Variants in ITSN1 observed in about 807,000 individuals in gnomAD.
The protein encoded by ITSN1 is intersectin 1, also known as intersectin-1.
ITSN1 carries 58 observed loss-of-function variants against 239.8 expected under a neutral mutation model. The ratio of observed to expected loss-of-function variants is 0.24; its 90% confidence interval spans 0.20 to 0.30. The LOEUF (loss-of-function observed/expected upper bound fraction) is 0.30, where lower values mean the gene tolerates loss of function less well. Among genes scored for constraint, ITSN1 ranks in the 10% least tolerant of loss-of-function variants. The pLI, the probability that ITSN1 is intolerant of heterozygous loss-of-function variation, is 1.00. For missense variants in ITSN1, 1,558 were observed against 2,103.3 expected (o/e 0.74, Z 5.07); for synonymous variants, 780 against 770.8 (o/e 1.01, Z -0.20).
chr21:33,726,007 GT>G (rs1435190385), intron 4 of ITSN1, among the ~76,000 whole-genome samples: 1 of 152,084 alleles, frequency 6.6e-6, no homozygotes, highest in East Asian at 1.9e-4. Context: ...TTGTGTTTAT[GT>G]TTTGAGACGG....
intron 6 of ITSN1, among the ~76,000 whole-genome samples, chr21:33,751,330 C>G (rs2067539301): frequency 6.6e-6 from 1 of 152,082 alleles, no homozygotes; most frequent in African/African-American, 2.4e-5. Context: ...TGTTTTTTTT[C>G]TGACACTCAA....
At position 33,649,208 on chromosome 21, in the gene ITSN1, G is replaced by A. The variant is rs77065922; in HGVS notation, c.-33+6495G>A. On this transcript the variant is annotated intron_variant, in intron 1 of 39. Transcript: ENST00000381318. ...CTAAGGAAGTTTACTTCCTGAATGTGAATGTTGGCCACTTTGGAGATAGAA... is the reference window on the plus strand; with the variant it reads ...CTAAGGAAGTTTACTTCCTGAATGTAAATGTTGGCCACTTTGGAGATAGAA... Among the ~76,000 whole-genome samples, 518 of 152,280 alleles carry A rather than the reference G, an allele frequency of 3.4e-3. 4 individuals carry two copies. The highest frequency in any genetic ancestry group is 0.012 in the African/African-American group (489 of 41,544).
Position 33,888,260 on chromosome 21 carries a change from T to C in ITSN1, c.5126T>C (p.Ile1709Thr), listed in dbSNP as rs1393876470. ...LLLHEVPTGE[I>T]VVRLDLQLFD... ...CTGCACGAAGTCCCCACGGGAGAGA[T>C]TGTGGTCCGCTTGGACCTGCAGTTG... Residue 1709 changes from isoleucine (I) to threonine (T), a missense_variant, in exon 40 of 40, where the codon ATT becomes ACT. By Grantham distance (89) the Ile-to-Thr change is moderately conservative. Coordinates refer to ENST00000381318, the MANE Select transcript of ITSN1 (RefSeq NM_003024.3). 3.7e-6 allele frequency: 6 copies of C among 1,614,060 alleles called. No individual in the cohort carries two copies. Among genetic ancestry groups the C allele is most frequent in the Non-Finnish European group, 3.4e-6 (4 of 1,179,992 alleles).
At chr21:33,753,254 C>CT (rs1325073278) in intron 7 of ITSN1, among the ~76,000 whole-genome samples, 2 of 152,240 alleles carry the variant, frequency 1.3e-5, no homozygotes, top group African/African-American at 4.8e-5. Flanking sequence ...CGGTTTTACC[C>CT]TTAAGATGCC....
At chr21:33,808,323 G>A (rs1373951010) in intron 20 of ITSN1, among the ~76,000 whole-genome samples, 1 of 152,114 alleles carries the variant, frequency 6.6e-6, no homozygotes, top group Non-Finnish European at 1.5e-5. Flanking sequence ...GGTGGCTCAC[G>A]CCTGTAATCC....
rs1014225373 is a variant in ITSN1, at chr21:33,865,600, T to G, written c.4074+266T>G. On this transcript the variant is annotated intron_variant, in intron 32 of 39. Transcript: ENST00000381318. This position sits in a 1 kb window ranked among gnomAD's most constrained non-coding sequence, Gnocchi z 4.4. ...ATCTGTTTTCCAGATGCTATTGGTG[T>G]TATTTGGATGCATGTTTAAATCTTT... Among the ~76,000 whole-genome samples the G allele has an allele frequency of 6.6e-6, 1 of 152,204 alleles. No individual in the cohort carries two copies. The highest frequency in any genetic ancestry group is 1.5e-5 in the Non-Finnish European group (1 of 68,042).
At chr21:33,799,732 T>A in intron 18 of ITSN1, 76 bp from the exon 19 acceptor site, 2 of 1,504,408 alleles carry the variant, frequency 1.3e-6, no homozygotes, top group Non-Finnish European at 1.8e-6. Context: ...AGAGGTTAGT[T>A]GTTTGGCTTG....
At chr21:33,729,525 T>C (rs2066038868) in intron 4 of ITSN1, among the ~76,000 whole-genome samples, 1 of 151,772 alleles carries the variant, frequency 6.6e-6, no homozygotes, top group Non-Finnish European at 1.5e-5. Context: ...ACAAGAGGTC[T>C]CAATCATTTT....
At chr21:33,851,778 C>CTT (rs35567402) in intron 29 of ITSN1, among the ~76,000 whole-genome samples, 1,755 of 66,194 alleles carry the variant, frequency 0.027, 260 homozygotes, top group African/African-American at 0.068. Context: ...CTTTTCTTTC[C>CTT]TTTTTTTTTT....
At chr21:33,854,512 G>C (rs1411615833) in intron 29 of ITSN1, among the ~76,000 whole-genome samples, 1 of 152,228 alleles carries the variant, frequency 6.6e-6, no homozygotes, top group East Asian at 1.9e-4. Flanking sequence ...GCAGGAACAA[G>C]ATATGTTTCC....
intron 1 of ITSN1, among the ~76,000 whole-genome samples, chr21:33,690,941 C>T (rs2091518844): frequency 6.7e-6 from 1 of 149,322 alleles, no homozygotes; most frequent in Non-Finnish European, 1.5e-5. Flanking sequence ...TCCACTCTCA[C>T]ATCCTTGCCT....
intron 12 of ITSN1, among the ~76,000 whole-genome samples, chr21:33,772,693 C>T (rs1310738778): frequency 1.3e-5 from 2 of 152,060 alleles, no homozygotes; most frequent in African/African-American, 4.8e-5. Flanking sequence ...TGAATCAGTC[C>T]TTTATTCCTG....
intron 27 of ITSN1, among the ~76,000 whole-genome samples, chr21:33,830,189 G>A (rs1227351846): frequency 6.6e-6 from 1 of 152,216 alleles, no homozygotes; most frequent in East Asian, 1.9e-4. Flanking sequence ...TGTGTGTATT[G>A]TTAATCATAT....
chr21:33,858,887 C>A, intron 31 of ITSN1, 95 bp downstream of exon 31: 1 of 634,298 alleles, frequency 1.6e-6, no homozygotes, highest in Non-Finnish European at 2.8e-6. Context: ...TGCATGCTGC[C>A]CTGTGCTTCT....
intron 20 of ITSN1, among the ~76,000 whole-genome samples, chr21:33,805,741 G>C (rs977547417): frequency 8.6e-5 from 13 of 151,604 alleles, no homozygotes; most frequent in Non-Finnish European, 1.9e-4. Context: ...GCGCGATCTC[G>C]GTTCCCTGCA....
chr21:33,767,811 T>C lies in ITSN1; in HGVS notation c.1025T>C (p.Leu342Ser). The C allele has an allele frequency of 6.3e-7, 1 of 1,597,170 alleles. No individual in the cohort carries two copies. The highest frequency in any genetic ancestry group is 1.1e-5 in the South Asian group (1 of 90,558). ...GTTTTAGAAGATGAACAACAACAAT[T>C]AGAAAAGAAATTACCTGGTAAGGCA... ...EPVLEDEQQQ[L>S]EKKLPVTFED... The change falls in exon 11 of 40, where the codon TTA (leucine) becomes TCA (serine). Residue 342 changes from leucine to serine, a missense_variant. By Grantham distance (145) the Leu-to-Ser change is moderately radical (BLOSUM62 -2). Around this residue, in one of 2 missense-constraint regions of ITSN1, gnomAD observed 982 missense variants for 1,209.9 expected, o/e 0.81. Coordinates refer to ENST00000381318, the MANE Select transcript of ITSN1 (RefSeq NM_003024.3).
At chr21:33,697,730 G>A (rs2091859417) in intron 1 of ITSN1, among the ~76,000 whole-genome samples, 1 of 151,844 alleles carries the variant, frequency 6.6e-6, no homozygotes, top group Admixed American at 6.6e-5. Context: ...TTTTTTCCAG[G>A]AAGTACTTTT....
chr21:33,710,514 T>C (rs577825912), intron 1 of ITSN1, among the ~76,000 whole-genome samples: 1 of 152,288 alleles, frequency 6.6e-6, no homozygotes, highest in East Asian at 1.9e-4. Flanking sequence ...TTGCCATTTC[T>C]AGGATAAACT....
intron 35 of ITSN1, among the ~76,000 whole-genome samples, chr21:33,883,235 T>C (rs7282518): frequency 0.84 from 128,443 of 152,258 alleles, 54,817 homozygotes; most frequent in East Asian, 0.96. Flanking sequence ...CGCAAAATCG[T>C]GGGCGGGGGA....
Sources: gnomAD v4.1 joint callset for allele counts (sites outside exome capture counted in the v4.1 genomes callset) on GRCh38, gnomAD v4.1.1 for gene constraint, gnomAD v4.1.1 regional missense constraint, Gnocchi (gnomAD v3.1) non-coding constraint, MANE v1.5 for transcripts, NCBI Gene and HGNC (gene_info 2026-07-23, HGNC 2026-07-21) for gene names.